The following ARID3A variants were observed in gnomAD, a reference collection of about 807,000 sequenced individuals.
The protein encoded by ARID3A is AT-rich interactive domain-containing protein 3A.
Under a neutral mutation model 52.7 loss-of-function variants are expected in ARID3A, and 11 were observed. The observed-to-expected ratio is 0.21, with a 90% CI of 0.13 to 0.35. The LOEUF (loss-of-function observed/expected upper bound fraction) is 0.35. Ranked by LOEUF, ARID3A falls within the 10% of genes least tolerant of loss-of-function variation. The pLI, the probability that ARID3A is intolerant of heterozygous loss-of-function variation, is 1.00. For synonymous variants in ARID3A, 404 were observed against 359.4 expected, an observed-to-expected ratio of 1.12 and a Z score of -1.40; for missense variants, 721 against 838.5, an observed-to-expected ratio of 0.86 and a Z score of 1.73.
At chr19:949,970 C>T (rs928739462) in intron 3 of ARID3A, among the ~76,000 whole-genome samples, 1 of 152,158 alleles carries the variant, frequency 6.6e-6, no homozygotes, top group Non-Finnish European at 1.5e-5. Flanking sequence ...CGCATCTGGG[C>T]TAGATTTTGC....
In ARID3A at chr19:941,786, T is replaced by TGTG. The variant is rs1173548314; in HGVS notation, c.693+9045_693+9047dup. 6.7e-6 allele frequency among the ~76,000 whole-genome samples: 1 copy of TGTG among 149,830 alleles called. No individual in the cohort carries two copies. The highest frequency in any genetic ancestry group is 6.7e-5 in the Admixed American group (1 of 15,020). ...TGTTTTGTGTGGATGTGGCTGTGTGTGTGTGTGTGTGTGTGTGTGTGTCAG... is the reference window on the plus strand; with the variant it reads ...TGTTTTGTGTGGATGTGGCTGTGTGTGTGGTGTGTGTGTGTGTGTGTGTGTCAG... On this transcript the variant is annotated intron_variant, in intron 3 of 8. Coordinates refer to ENST00000263620, the MANE Select transcript of ARID3A (RefSeq NM_005224.3). This position sits in a 1 kb window ranked among gnomAD's most constrained non-coding sequence, Gnocchi z 6.9.
At chr19:946,783 T>A (rs1311694012) in intron 3 of ARID3A, among the ~76,000 whole-genome samples, 1 of 151,026 alleles carries the variant, frequency 6.6e-6, no homozygotes, top group African/African-American at 2.4e-5. Context: ...AAACTAAAAT[T>A]CTGTTTGTTT....
At chr19:970,403 T>G (rs1488605486) in intron 8 of ARID3A, among the ~76,000 whole-genome samples, 1 of 151,944 alleles carries the variant, frequency 6.6e-6, no homozygotes, top group African/African-American at 2.4e-5. Context: ...TCCCAACACT[T>G]TGGGAGGCTA....
Position 972,191 on chromosome 19 carries a change from C to A in ARID3A, c.*126C>A, listed in dbSNP as rs1204404049. 4.8e-6 allele frequency: 3 copies of A among 623,606 alleles called. No homozygotes were observed. The highest frequency in any genetic ancestry group is 5.1e-6 in the Non-Finnish European group (2 of 393,052). The allele number at this position is 623,606 out of a possible 1,614,324, so 38.6% of individuals were successfully genotyped here. ...GGGAGGGAAGATATCCAGAAAGGAG[C>A]CACAGCTGACGCCAAAAAGAAAAGA... On this transcript the variant is annotated 3_prime_UTR_variant, in exon 9 of 9. Transcript: ENST00000263620.
At chr19:971,794 G>A (rs1258226130) in intron 8 of ARID3A, 84 bp from the exon 9 acceptor site, 43 of 1,472,858 alleles carry the variant, frequency 2.9e-5, no homozygotes, top group East Asian at 1.3e-4. Context: ...TTTATTCCCC[G>A]GAGCACCCCA....
chr19:966,987 G>A (rs2038172355), intron 7 of ARID3A, 119 bp downstream of exon 7: 3 of 1,246,884 alleles, frequency 2.4e-6, no homozygotes, highest in Non-Finnish European at 3.2e-6. Context: ...GCCGGGTGCA[G>A]TGGCTGACAT....
At position 972,858 on chromosome 19, in the gene ARID3A, A is replaced by G; in HGVS notation, c.*793A>G. 5.9e-6 allele frequency: 1 copy of G among 169,292 alleles called. No homozygotes were observed. The highest frequency in any genetic ancestry group is 1.2e-5 in the Non-Finnish European group (1 of 82,112). 10.5% of individuals were successfully genotyped at this position (169,292 alleles called of 1,614,324 possible). A position where few individuals can be genotyped will look rare whatever the true frequency, so the allele number is the denominator to read the frequency against. The stretch of plus-strand genomic sequence containing the variant: ...TCACCTTTTTATTTTTCCCATGACC[A>G]ATTTGGGTCCCTTTGTCCATTTCTG... On this transcript the variant is annotated 3_prime_UTR_variant, in exon 9 of 9. Coordinates refer to ENST00000263620, the MANE Select transcript of ARID3A (RefSeq NM_005224.3).
intron 2 of ARID3A, among the ~76,000 whole-genome samples, chr19:931,950 G>A (rs879084091): frequency 1.1e-4 from 17 of 152,108 alleles, no homozygotes; most frequent in African/African-American, 3.9e-4. Flanking sequence ...GGTGGAGCTG[G>A]GACAGCATGC....
At chr19:950,669 G>A (rs2037786783) in intron 3 of ARID3A, among the ~76,000 whole-genome samples, 10 of 152,188 alleles carry the variant, frequency 6.6e-5, no homozygotes, top group Admixed American at 6.5e-4. Flanking sequence ...TCTTGGTCTT[G>A]ACTTCCAAGC....
At chr19:935,020 C>T (rs1468189690) in intron 3 of ARID3A, among the ~76,000 whole-genome samples, 1 of 152,230 alleles carries the variant, frequency 6.6e-6, no homozygotes, top group Non-Finnish European at 1.5e-5. Flanking sequence ...CTGGGCCCAA[C>T]CAGCCCAGTC....
intron 7 of ARID3A, among the ~76,000 whole-genome samples, chr19:967,799 C>T (rs1291952029): frequency 2.6e-5 from 4 of 152,214 alleles, no homozygotes; most frequent in Non-Finnish European, 5.9e-5. Context: ...AATCCCAGCA[C>T]TTTGGGAGGC....
Position 929,684 on chromosome 19 carries a change from C to T in ARID3A, c.156C>T (p.Ala52=). 2.6e-6 allele frequency: 4 copies of T among 1,559,720 alleles called. No individual in the cohort carries two copies. Among genetic ancestry groups the T allele is most frequent in the Non-Finnish European group, 3.4e-6 (4 of 1,161,176 alleles). The change falls in exon 2 of 9, where the codon GCC becomes GCT. Residue 52 remains alanine, a synonymous_variant. Transcript: ENST00000263620. The surrounding 1 kb of genome is among the most constrained non-coding windows in gnomAD (Gnocchi z 6.2). ...ACGAGGACAGAGAGCCCGAGAGTGC[C>T]CGGATGCAGCGGGCTCAGATGGCCG... ...APDEDREPES[A]RMQRAQMAAL...
chr19:963,587 G>T (rs1392707445), intron 4 of ARID3A, among the ~76,000 whole-genome samples: 1 of 152,142 alleles, frequency 6.6e-6, no homozygotes, highest in Non-Finnish European at 1.5e-5. Flanking sequence ...GAGTTGAGGG[G>T]CAGGAACCTG....
chr19:975,415 A>G lies in ARID3A; in HGVS notation c.*3350A>G, dbSNP rs1478703554. The stretch of plus-strand genomic sequence containing the variant: ...TAAGGGTCACGCATCTGTACAGTTG[A>G]ATTTCCTTTCTCTTATCATGTTTTA... On this transcript the variant is annotated 3_prime_UTR_variant, in exon 9 of 9. Coordinates refer to ENST00000263620, the MANE Select transcript of ARID3A (RefSeq NM_005224.3). 4.3e-6 allele frequency: 1 copy of G among 231,354 alleles called. No homozygotes were observed. Among genetic ancestry groups the G allele is most frequent in the Admixed American group, 5.6e-5 (1 of 17,704 alleles). The allele number at this position is 231,354 out of a possible 1,614,324, so 14.3% of individuals were successfully genotyped here.
intron 3 of ARID3A, among the ~76,000 whole-genome samples, chr19:934,669 C>T (rs1024242031): frequency 1.7e-4 from 26 of 152,060 alleles, no homozygotes; most frequent in Admixed American, 1.0e-3. Flanking sequence ...GACCGGGTGC[C>T]GCCTCTGGGT....
At chr19:962,869 G>A (rs2038073240) in intron 4 of ARID3A, among the ~76,000 whole-genome samples, 1 of 152,166 alleles carries the variant, frequency 6.6e-6, no homozygotes, top group African/African-American at 2.4e-5. Context: ...TGTCCCGAGT[G>A]GGGCCGGGCG....
intron 3 of ARID3A, among the ~76,000 whole-genome samples, chr19:953,458 C>T (rs2037845817): frequency 6.7e-6 from 1 of 150,122 alleles, no homozygotes; most frequent in South Asian, 2.1e-4. Flanking sequence ...CACCTCCCAC[C>T]CCCCCAGGCC....
rs958768623 is a variant in ARID3A at position 942,428 on chromosome 19, G to A, written c.693+9686G>A. Among the ~76,000 whole-genome samples the A allele has an allele frequency of 1.3e-4, 20 of 152,202 alleles. No individual in the cohort carries two copies. The highest frequency in any genetic ancestry group is 4.6e-4 in the Admixed American group (7 of 15,286). ...CGGGAGCCGGGCCGGGAGCCGCTGC[G>A]GTGCCGACCTGGTGGGTGGCACACG... On this transcript the variant is annotated intron_variant, in intron 3 of 8. Coordinates refer to ENST00000263620, the MANE Select transcript of ARID3A (RefSeq NM_005224.3). This position sits in a 1 kb window ranked among gnomAD's most constrained non-coding sequence, Gnocchi z 8.1.
intron 3 of ARID3A, among the ~76,000 whole-genome samples, chr19:948,857 G>T (rs1303253422): frequency 1.3e-5 from 2 of 151,946 alleles, no homozygotes; most frequent in Non-Finnish European, 2.9e-5. Flanking sequence ...CTACAGGCGT[G>T]CGCCACCACG....
Sources: gnomAD v4.1 joint callset for allele counts (sites outside exome capture counted in the v4.1 genomes callset) on GRCh38, gnomAD v4.1.1 for gene constraint, Gnocchi (gnomAD v3.1) non-coding constraint, MANE v1.5 for transcripts, NCBI Gene and HGNC (gene_info 2026-07-23, HGNC 2026-07-21) for gene names.